Variants in ENTREP2 observed in about 807,000 individuals in gnomAD.
The protein encoded by ENTREP2 is endosomal transmembrane epsin interactor 2.
chr15:29,438,710 C>G, the ENTREP2 span, among the ~76,000 whole-genome samples: 1 of 152,144 alleles, frequency 6.6e-6, no homozygotes, highest in South Asian at 2.1e-4. Flanking sequence ...TGAAGGCTGT[C>G]TCTCCCAATC....
At chr15:29,126,217 A>C in the ENTREP2 span, 2 of 1,386,810 alleles carry the variant, frequency 1.4e-6, no homozygotes, top group Non-Finnish European at 1.9e-6. Context: ...TGCAGCATCC[A>C]AGGAAAGCTG....
At chr15:29,226,575 A>T in the ENTREP2 span, among the ~76,000 whole-genome samples, 3,117 of 152,314 alleles carry the variant, frequency 0.02, 124 homozygotes, top group African/African-American at 0.071. Flanking sequence ...CAAGCCAGAC[A>T]GTCCAGCAGC....
chr15:29,503,512 T>TGA, the ENTREP2 span, among the ~76,000 whole-genome samples: 2 of 150,438 alleles, frequency 1.3e-5, no homozygotes, highest in Non-Finnish European at 2.9e-5. Flanking sequence ...AATTACGTCA[T>TGA]GATGATTTAA....
chr15:29,673,109 G>C, the ENTREP2 span, among the ~76,000 whole-genome samples: 5 of 152,126 alleles, frequency 3.3e-5, no homozygotes, highest in Non-Finnish European at 7.4e-5. Context: ...GAACCGTAAT[G>C]GTGCTGGTAG....
At chr15:29,138,675 C>G in the ENTREP2 span, among the ~76,000 whole-genome samples, 5 of 145,066 alleles carry the variant, frequency 3.4e-5, no homozygotes, top group Non-Finnish European at 7.5e-5. Flanking sequence ...GTGTGTGTCT[C>G]TGTGTGTATG....
At chr15:29,173,597 G>A in the ENTREP2 span, among the ~76,000 whole-genome samples, 1 of 152,126 alleles carries the variant, frequency 6.6e-6, no homozygotes, top group Non-Finnish European at 1.5e-5. Flanking sequence ...AGAGCCACCC[G>A]TGATAGCAAG....
chr15:29,334,941 T>C, the ENTREP2 span, among the ~76,000 whole-genome samples: 1 of 152,190 alleles, frequency 6.6e-6, no homozygotes, highest in Non-Finnish European at 1.5e-5. Context: ...CAGCCAGGCA[T>C]GTGAGTAAAG....
chr15:29,579,504 G>T, the ENTREP2 span, among the ~76,000 whole-genome samples: 9 of 148,160 alleles, frequency 6.1e-5, no homozygotes, highest in African/African-American at 2.0e-4. Context: ...GCAAAATACT[G>T]GCCTTTGGTT....
the ENTREP2 span, among the ~76,000 whole-genome samples, chr15:29,444,758 C>T: frequency 1.3e-5 from 2 of 152,188 alleles, no homozygotes; most frequent in African/African-American, 2.4e-5. Flanking sequence ...AGCCATCACA[C>T]CTGGCCGGCA....
the ENTREP2 span, among the ~76,000 whole-genome samples, chr15:29,550,786 A>C: frequency 6.6e-6 from 1 of 152,196 alleles, no homozygotes; most frequent in Admixed American, 6.5e-5. Context: ...CCAATCAATA[A>C]CAGATTCATT....
the ENTREP2 span, among the ~76,000 whole-genome samples, chr15:29,513,826 G>C: frequency 2.0e-5 from 3 of 152,330 alleles, no homozygotes; most frequent in East Asian, 5.8e-4. Flanking sequence ...GCCCCAGCCA[G>C]ATCTGGAGCA....
chr15:29,233,985 T>C, the ENTREP2 span: 9 of 1,497,190 alleles, frequency 6.0e-6, no homozygotes, highest in South Asian at 2.3e-5. Context: ...GATGGGACCA[T>C]AGGAAGAGTT....
chr15:29,211,738 T>C, the ENTREP2 span, among the ~76,000 whole-genome samples: 1 of 152,232 alleles, frequency 6.6e-6, no homozygotes, highest in Non-Finnish European at 1.5e-5. Context: ...GAGATGATCA[T>C]GTGATTTTTG....
the ENTREP2 span, among the ~76,000 whole-genome samples, chr15:29,285,306 C>G: frequency 6.6e-6 from 1 of 152,216 alleles, no homozygotes; most frequent in African/African-American, 2.4e-5. Flanking sequence ...CAGTACCAGC[C>G]TGGCAGTACC....
chr15:29,382,650 G>A, the ENTREP2 span, among the ~76,000 whole-genome samples: 3,144 of 152,144 alleles, frequency 0.021, 96 homozygotes, highest in African/African-American at 0.072. Context: ...CTGATCACAT[G>A]AATACACTGT....
chr15:29,322,433 A>G, the ENTREP2 span, among the ~76,000 whole-genome samples: 3 of 152,176 alleles, frequency 2.0e-5, no homozygotes, highest in African/African-American at 7.2e-5. Flanking sequence ...AACCACTCAT[A>G]TATTTTCTTA....
chr15:29,665,795 G>A, the ENTREP2 span, among the ~76,000 whole-genome samples: 4 of 150,754 alleles, frequency 2.7e-5, no homozygotes, highest in Admixed American at 6.6e-5. Context: ...TCCTGTCTGC[G>A]TTATGCAAAT....
the ENTREP2 span, among the ~76,000 whole-genome samples, chr15:29,154,029 CT>C: frequency 0.023 from 3,542 of 152,232 alleles, 124 homozygotes; most frequent in African/African-American, 0.081. Context: ...GTTTAGGTTC[CT>C]TTTTATGTTT....
chr15:29,492,462 A>G, the ENTREP2 span, among the ~76,000 whole-genome samples: 3 of 152,200 alleles, frequency 2.0e-5, no homozygotes, highest in Non-Finnish European at 2.9e-5. Flanking sequence ...CACCATTGTA[A>G]AAGGAGAAGT....
Sources: gnomAD v4.1 joint callset for allele counts (sites outside exome capture counted in the v4.1 genomes callset) on GRCh38, gnomAD v4.1.1 for gene constraint, MANE v1.5 for transcripts, NCBI Gene and HGNC (gene_info 2026-07-23, HGNC 2026-07-21) for gene names.